GPHN: variants seen among roughly 807,000 people sequenced by gnomAD.
The protein encoded by GPHN is gephyrin.
A neutral mutation model predicts 95.5 loss-of-function variants in GPHN; 17 were observed. The ratio of observed to expected loss-of-function variants is 0.18; its 90% CI spans 0.12 to 0.27. The LOEUF is 0.27. GPHN is among the 10% of genes least tolerant of loss of function. The pLI is 1.00. For synonymous variants in GPHN, 320 were observed against 322.5 expected, an observed-to-expected ratio of 0.99 and a Z score of 0.08; for missense variants, 660 against 978.1, an observed-to-expected ratio of 0.67 and a Z score of 4.34.
the GPHN span, among the ~76,000 whole-genome samples, chr14:67,657,965 T>C: frequency 6.6e-6 from 1 of 151,898 alleles, no homozygotes; most frequent in African/African-American, 2.4e-5. Flanking sequence ...GCCAGGCTGG[T>C]CTCGAACTCC....
At chr14:67,635,692 A>G in the GPHN span, among the ~76,000 whole-genome samples, 1 of 152,154 alleles carries the variant, frequency 6.6e-6, no homozygotes, top group African/African-American at 2.4e-5. Context: ...GTCTCTACTG[A>G]AAATGCAAAA....
intron 6 of GPHN, among the ~76,000 whole-genome samples, chr14:66,916,509 T>TG (rs1306919339): frequency 2.0e-5 from 3 of 151,200 alleles, no homozygotes; most frequent in African/African-American, 7.3e-5. Flanking sequence ...TTGGTTTTTT[T>TG]TTTTGTTTTG....
At chr14:67,686,996 T>C in the GPHN span, among the ~76,000 whole-genome samples, 4 of 152,172 alleles carry the variant, frequency 2.6e-5, no homozygotes, top group African/African-American at 7.2e-5. Context: ...AGGTCCCAAA[T>C]TGATTTCTAC....
the GPHN span, among the ~76,000 whole-genome samples, chr14:67,386,668 C>T: frequency 1.3e-5 from 2 of 152,112 alleles, no homozygotes; most frequent in Non-Finnish European, 1.5e-5. Context: ...TCCTTTAGAG[C>T]GCTCTTACTC....
chr14:67,394,151 C>T, the GPHN span, among the ~76,000 whole-genome samples: 1 of 152,166 alleles, frequency 6.6e-6, no homozygotes, highest in African/African-American at 2.4e-5. Flanking sequence ...TTCTTTTCTT[C>T]TCCTTATCTA....
the GPHN span, chr14:67,292,750 A>G: frequency 6.4e-7 from 1 of 1,553,724 alleles, no homozygotes; most frequent in Non-Finnish European, 8.9e-7. Context: ...GTTGATGTCT[A>G]CAAGGTAATT....
At chr14:67,299,061 T>G in the GPHN span, among the ~76,000 whole-genome samples, 1 of 152,240 alleles carries the variant, frequency 6.6e-6, no homozygotes, top group African/African-American at 2.4e-5. Flanking sequence ...TTTGACCACT[T>G]ACCTATTGAT....
At chr14:67,641,686 T>C in the GPHN span, among the ~76,000 whole-genome samples, 1 of 152,182 alleles carries the variant, frequency 6.6e-6, no homozygotes, top group African/African-American at 2.4e-5. Flanking sequence ...ATGCCCATAA[T>C]CCCAGCACTT....
At chr14:67,558,140 C>T in the GPHN span, among the ~76,000 whole-genome samples, 4 of 152,204 alleles carry the variant, frequency 2.6e-5, no homozygotes, top group Non-Finnish European at 5.9e-5. Context: ...GTCCTGCCTT[C>T]TCCCCTTCAC....
intron 2 of GPHN, among the ~76,000 whole-genome samples, chr14:66,773,007 C>T (rs2059239094): frequency 2.6e-5 from 4 of 152,068 alleles, no homozygotes; most frequent in Admixed American, 2.6e-4. Context: ...TCCTTTACTT[C>T]CTTCATTGCT....
At chr14:67,224,259 CTTTTTTT>C in the GPHN span, among the ~76,000 whole-genome samples, 7 of 134,800 alleles carry the variant, frequency 5.2e-5, no homozygotes, top group Non-Finnish European at 6.4e-5. Flanking sequence ...TCTCTCTTTT[CTTTTTTT>C]TTTTTTTTTT....
chr14:67,583,401 G>C, the GPHN span, among the ~76,000 whole-genome samples: 3 of 152,162 alleles, frequency 2.0e-5, no homozygotes, highest in African/African-American at 7.2e-5. Context: ...AGGATCTGTA[G>C]CATCTTCAAT....
At chr14:67,085,369 C>T (rs1415827320) in intron 11 of GPHN, among the ~76,000 whole-genome samples, 3 of 152,198 alleles carry the variant, frequency 2.0e-5, no homozygotes, top group African/African-American at 4.8e-5. Flanking sequence ...GACCTTACTC[C>T]ACTTTCTTCT....
intron 4 of GPHN, among the ~76,000 whole-genome samples, chr14:66,834,921 C>T (rs1350709659): frequency 2.1e-5 from 3 of 141,870 alleles, no homozygotes; most frequent in African/African-American, 7.9e-5. Flanking sequence ...TGATTATTGC[C>T]ACAATTTCAG....
rs2075075686 is a variant in GPHN at position 67,047,334 on chromosome 14, T to TTTGTGTGTGTGTG, written c.1007-11314_1007-11313insTGTGTGTGTGTGT. Among the ~76,000 whole-genome samples, 170 of 109,700 alleles carry TTTGTGTGTGTGTG rather than the reference T, an allele frequency of 1.5e-3. 1 individual carries two copies. Among genetic ancestry groups the TTTGTGTGTGTGTG allele is most frequent in the African/African-American group, 6.3e-3 (167 of 26,486 alleles). The allele number at this position is 109,700 out of a possible 152,430, so 72.0% of individuals were successfully genotyped here. On this transcript the variant is annotated intron_variant, in intron 10 of 22. Coordinates refer to ENST00000478722, the MANE Select transcript of GPHN (RefSeq NM_020806.5). The stretch of plus-strand genomic sequence containing the variant: ...TCATTTATTTTGTGTGTGTGTGTGT[T>TTTGTGTGTGTGTG]TGTGTGTGTGTGTGTGTGTGTGTGT...
At chr14:66,617,812 G>C (rs1384023026) in intron 1 of GPHN, among the ~76,000 whole-genome samples, 1 of 151,932 alleles carries the variant, frequency 6.6e-6, no homozygotes, top group Non-Finnish European at 1.5e-5. Flanking sequence ...GAATTACATT[G>C]ATTGCATTCT....
At chr14:67,650,243 A>T in the GPHN span, 1 of 200,828 alleles carries the variant, frequency 5.0e-6, no homozygotes, top group Non-Finnish European at 1.0e-5. Context: ...TAACAGATAC[A>T]GATAACACAT....
In GPHN at chr14:66,691,151, A is replaced by G. The variant is rs564876648; in HGVS notation, c.143+9966A>G. On this transcript the variant is annotated intron_variant, in intron 2 of 22. Transcript: ENST00000478722. ...GAGCCCAGTAATTTGAGACCAGGCT[A>G]GGCAACATAGTGAGACACTGTCTCT... Among the ~76,000 whole-genome samples, 6 of 152,164 alleles carry G rather than the reference A, an allele frequency of 3.9e-5. No individual in the cohort carries two copies. The East Asian group carries it at 1.2e-3, about 29-fold the overall frequency.
chr14:67,393,874 A>C, the GPHN span, among the ~76,000 whole-genome samples: 1 of 152,180 alleles, frequency 6.6e-6, no homozygotes, highest in Non-Finnish European at 1.5e-5. Context: ...CTGAGGCACC[A>C]CTAGCTGCAC....
Sources: allele counts gnomAD v4.1 joint callset (sites outside exome capture counted in the v4.1 genomes callset), GRCh38; gene constraint gnomAD v4.1.1; transcripts MANE v1.5; gene names NCBI Gene and HGNC (gene_info 2026-07-23, HGNC 2026-07-21).